KIAA1328: variants seen among roughly 807,000 people sequenced by gnomAD.
KIAA1328 encodes KIAA1328.
Under a neutral mutation model 68.1 loss-of-function variants are expected in KIAA1328, and 52 were observed. The ratio of observed to expected loss-of-function variants is 0.76; its 90% CI spans 0.61 to 0.96. The LOEUF (loss-of-function observed/expected upper bound fraction) is 0.96, where lower values mean the gene tolerates loss of function less well. Among genes scored for constraint, KIAA1328 ranks in the 40% least tolerant of loss-of-function variants. KIAA1328 has a pLI of 0.00. For synonymous variants in KIAA1328, 232 were observed against 239.4 expected (o/e 0.97, Z 0.28); for missense variants, 641 against 677.6 (o/e 0.95, Z 0.60).
chr18:37,187,236 G>A (rs1342307232), intron 9 of KIAA1328, among the ~76,000 whole-genome samples: 1 of 152,056 alleles, frequency 6.6e-6, no homozygotes, highest in African/African-American at 2.4e-5. Flanking sequence ...CAACTTGGCT[G>A]GAACATAAGC....
At chr18:36,876,002 C>G (rs1049560784) in intron 4 of KIAA1328, among the ~76,000 whole-genome samples, 1 of 151,896 alleles carries the variant, frequency 6.6e-6, no homozygotes. Flanking sequence ...AGCCTTGCAT[C>G]CCAGGGATGA....
chr18:37,122,102 C>G (rs1337677829), intron 7 of KIAA1328, among the ~76,000 whole-genome samples: 1 of 151,926 alleles, frequency 6.6e-6, no homozygotes, highest in East Asian at 1.9e-4. Context: ...AGCAATATTT[C>G]AAGAATTAGC....
chr18:37,121,676 T>G (rs1380267442), intron 7 of KIAA1328, among the ~76,000 whole-genome samples: 1 of 152,164 alleles, frequency 6.6e-6, no homozygotes, highest in East Asian at 1.9e-4. Context: ...CTAGCTTTCC[T>G]AGTTAAGACA....
chr18:36,954,064 G>A (rs1438521947), intron 5 of KIAA1328, among the ~76,000 whole-genome samples: 2 of 137,872 alleles, frequency 1.5e-5, no homozygotes, highest in Middle Eastern at 4.7e-3. Context: ...CTGCAGTGGC[G>A]CAATCTCGGC....
At chr18:37,220,582 G>A (rs1051768410) in intron 9 of KIAA1328, among the ~76,000 whole-genome samples, 6 of 152,164 alleles carry the variant, frequency 3.9e-5, no homozygotes, top group Non-Finnish European at 8.8e-5. Flanking sequence ...ATGTCCACGT[G>A]TATGTTTTTA....
At position 37,066,939 on chromosome 18, in the gene KIAA1328, G is replaced by C; in HGVS notation, c.626G>C (p.Gly209Ala). 6.2e-7 allele frequency: 1 copy of C among 1,610,080 alleles called. No homozygotes were observed. The highest frequency in any genetic ancestry group is 1.1e-5 in the South Asian group (1 of 90,304). The change falls in exon 7 of 10, where the codon GGT (glycine) becomes GCT (alanine). Residue 209 changes from glycine to alanine, a missense_variant. Physicochemically the swap from Gly to Ala is moderately conservative, Grantham distance 60. Transcript: ENST00000280020. Reference sequence around the variant, plus strand: ...CAGTGTTCATCTGTGGAACTGGATGGTTCCTACTTGAGCATAGCCAGACCA... The same window carrying C: ...CAGTGTTCATCTGTGGAACTGGATGCTTCCTACTTGAGCATAGCCAGACCA... ...TLQCSSVELD[G>A]SYLSIARPQT...
chr18:36,974,158 G>T (rs2052366208), intron 6 of KIAA1328, among the ~76,000 whole-genome samples: 1 of 152,014 alleles, frequency 6.6e-6, no homozygotes, highest in South Asian at 2.1e-4. Context: ...TCAGAAGAAG[G>T]CTTTTTTCTT....
At chr18:36,914,075 G>A (rs1354963809) in intron 5 of KIAA1328, among the ~76,000 whole-genome samples, 1 of 152,104 alleles carries the variant, frequency 6.6e-6, no homozygotes, top group Admixed American at 6.5e-5. Flanking sequence ...AATTTTACCT[G>A]AAAATATACA....
chr18:37,084,074 C>A, intron 7 of KIAA1328: 1 of 1,053,672 alleles, frequency 9.5e-7, no homozygotes, highest in Non-Finnish European at 1.2e-6. Flanking sequence ...ATTTATCATT[C>A]AGGTTATCAG....
intron 5 of KIAA1328, among the ~76,000 whole-genome samples, chr18:36,955,224 C>T (rs1398331285): frequency 1.4e-4 from 21 of 150,862 alleles, no homozygotes; most frequent in South Asian, 4.2e-4. Context: ...CTCCGCTTCC[C>T]GGGTTCAAGT....
At chr18:36,957,458 T>A (rs944836373) in intron 5 of KIAA1328, among the ~76,000 whole-genome samples, 4 of 152,190 alleles carry the variant, frequency 2.6e-5, no homozygotes, top group African/African-American at 9.6e-5. Context: ...TCCCAGGCAC[T>A]GGTCTGCAAA....
chr18:37,081,109 G>A (rs1383877119), intron 7 of KIAA1328, among the ~76,000 whole-genome samples: 1 of 151,984 alleles, frequency 6.6e-6, no homozygotes. Flanking sequence ...GCCTCCCCGA[G>A]TAGCTGGGAT....
At chr18:37,216,978 T>TG (rs1414168963) in intron 9 of KIAA1328, among the ~76,000 whole-genome samples, 1 of 134,632 alleles carries the variant, frequency 7.4e-6, no homozygotes, top group African/African-American at 3.0e-5. Context: ...GCTTTTTTTT[T>TG]GTTTTTTTTT....
chr18:37,093,695 A>G (rs1311441664), intron 7 of KIAA1328, among the ~76,000 whole-genome samples: 2 of 152,236 alleles, frequency 1.3e-5, no homozygotes, highest in Non-Finnish European at 2.9e-5. Context: ...TTCTAGAAAT[A>G]GAAGAGATGG....
chr18:37,049,125 A>G (rs2055591399), intron 6 of KIAA1328, among the ~76,000 whole-genome samples: 1 of 152,326 alleles, frequency 6.6e-6, no homozygotes, highest in Admixed American at 6.5e-5. Flanking sequence ...GTGCCCTCAA[A>G]GAGTTCACAG....
At chr18:36,936,214 A>C (rs953789350) in intron 5 of KIAA1328, among the ~76,000 whole-genome samples, 1 of 151,934 alleles carries the variant, frequency 6.6e-6, no homozygotes, top group Non-Finnish European at 1.5e-5. Flanking sequence ...TTGTTACATA[A>C]GTATACGTGT....
chr18:37,045,163 C>G (rs1176530382), intron 6 of KIAA1328, among the ~76,000 whole-genome samples: 3 of 152,198 alleles, frequency 2.0e-5, no homozygotes, highest in Non-Finnish European at 2.9e-5. Context: ...TTGAGGTATA[C>G]CTTTATAATA....
chr18:37,168,031 A>G (rs866443884), intron 8 of KIAA1328, among the ~76,000 whole-genome samples: 4 of 152,352 alleles, frequency 2.6e-5, no homozygotes, highest in Middle Eastern at 3.4e-3. Flanking sequence ...ACTAAGTGAG[A>G]TTTAGCCCAG....
At chr18:37,136,315 A>T (rs750143354) in intron 7 of KIAA1328, among the ~76,000 whole-genome samples, 1 of 152,178 alleles carries the variant, frequency 6.6e-6, no homozygotes, top group Admixed American at 6.5e-5. Context: ...GACTACTCTC[A>T]GTTCTAAAAT....
Sources: allele counts gnomAD v4.1 joint callset (sites outside exome capture counted in the v4.1 genomes callset), GRCh38; gene constraint gnomAD v4.1.1; transcripts MANE v1.5; gene names NCBI Gene and HGNC (gene_info 2026-07-23, HGNC 2026-07-21).